FSTL4: variants seen among roughly 807,000 people sequenced by gnomAD.
FSTL4 encodes follistatin like 4, also known as follistatin-related protein 4.
Under a neutral mutation model 78.2 loss-of-function variants are expected in FSTL4, and 28 were observed. That is an observed-to-expected ratio of 0.36 (90% confidence interval 0.27 to 0.49). The LOEUF (loss-of-function observed/expected upper bound fraction) is 0.49. Ranked by LOEUF, FSTL4 falls within the 20% of genes least tolerant of loss-of-function variation. FSTL4 has a pLI of 0.98. For missense variants in FSTL4, 922 were observed against 1,084.9 expected (o/e 0.85, Z 2.11); for synonymous variants, 422 against 440.5 (o/e 0.96, Z 0.53).
chr5:133,327,070 C>T (rs535651368), intron 4 of FSTL4, among the ~76,000 whole-genome samples: 6 of 152,280 alleles, frequency 3.9e-5, no homozygotes, highest in East Asian at 1.9e-4. Flanking sequence ...GGCTGGACCA[C>T]GGGGCAGACT....
intron 3 of FSTL4, 110 bp downstream of exon 3, chr5:133,567,076 A>C (rs148196814): frequency 5.3e-5 from 44 of 829,930 alleles, no homozygotes; most frequent in Non-Finnish European, 7.6e-5. Context: ...AGGCCGCATG[A>C]AATTTCAAAG....
At chr5:133,582,363 T>C (rs960415959) in intron 2 of FSTL4, among the ~76,000 whole-genome samples, 2 of 152,096 alleles carry the variant, frequency 1.3e-5, no homozygotes, top group Non-Finnish European at 2.9e-5. Flanking sequence ...CAAAATGAGG[T>C]AGGGTAGTGT....
At chr5:133,628,676 T>C in the FSTL4 span, among the ~76,000 whole-genome samples, 2 of 151,888 alleles carry the variant, frequency 1.3e-5, no homozygotes, top group Non-Finnish European at 2.9e-5. Context: ...AGCTGTTTTT[T>C]TGAAAGGATT....
At chr5:133,840,414 A>T in the FSTL4 span, among the ~76,000 whole-genome samples, 1 of 152,238 alleles carries the variant, frequency 6.6e-6, no homozygotes, top group Non-Finnish European at 1.5e-5. Context: ...GCTGTAATTA[A>T]AGTTTTGCTG....
At chr5:133,601,960 T>C (rs762020700) in intron 2 of FSTL4, among the ~76,000 whole-genome samples, 1 of 151,906 alleles carries the variant, frequency 6.6e-6, no homozygotes, top group African/African-American at 2.4e-5. Flanking sequence ...CTTGGATTAT[T>C]AGGTGTGAGC....
rs530422781 is a variant in FSTL4 at position 133,246,770 on chromosome 5, C to T, written c.894+2640G>A. On this transcript the variant is annotated intron_variant, in intron 7 of 15. Transcript: ENST00000265342. The stretch of plus-strand genomic sequence containing the variant: ...AGCTGCTGAGAATATTATTTAGCAG[C>T]AGCAGGAATAATAATACAATAATAA... 8 of 152,246 alleles carry T rather than the reference C, an allele frequency of 5.3e-5. No homozygotes were observed. In the South Asian group the frequency reaches 1.5e-3, roughly 28 times the overall value. The allele number at this position is 152,246 out of a possible 1,614,324, so 9.4% of individuals were successfully genotyped here.
the FSTL4 span, among the ~76,000 whole-genome samples, chr5:133,696,820 A>G: frequency 6.6e-6 from 1 of 152,212 alleles, no homozygotes; most frequent in Non-Finnish European, 1.5e-5. Flanking sequence ...GGGTGTGTGC[A>G]TGCTCTTGTG....
intron 6 of FSTL4, among the ~76,000 whole-genome samples, chr5:133,263,494 A>G (rs1752577802): frequency 1.3e-5 from 2 of 152,034 alleles, no homozygotes; most frequent in Admixed American, 6.6e-5. Context: ...ACTTGTGCCC[A>G]GTGTGGCCGA....
chr5:133,496,572 A>G (rs1453750510), intron 3 of FSTL4, among the ~76,000 whole-genome samples: 2 of 152,168 alleles, frequency 1.3e-5, no homozygotes, highest in Non-Finnish European at 2.9e-5. Flanking sequence ...GGACCAGGAG[A>G]GGAGGCTCCT....
At chr5:133,202,085 G>A (rs368286984) in intron 14 of FSTL4, 43 bp from the exon 15 acceptor site, 51 of 1,364,236 alleles carry the variant, frequency 3.7e-5, no homozygotes, top group Middle Eastern at 1.8e-4. Flanking sequence ...CCATGCAGGT[G>A]GGGGCTGAAC....
the FSTL4 span, among the ~76,000 whole-genome samples, chr5:133,626,870 G>A: frequency 6.6e-6 from 1 of 152,016 alleles, no homozygotes; most frequent in South Asian, 2.1e-4. Flanking sequence ...GTTGTTGGGT[G>A]GAGTATTCTG....
At chr5:133,796,032 G>A in the FSTL4 span, among the ~76,000 whole-genome samples, 1 of 152,280 alleles carries the variant, frequency 6.6e-6, no homozygotes, top group Non-Finnish European at 1.5e-5. Context: ...TAGTCCTTCT[G>A]CTCTTCTTAC....
At chr5:133,735,679 C>T in the FSTL4 span, among the ~76,000 whole-genome samples, 2 of 152,158 alleles carry the variant, frequency 1.3e-5, no homozygotes, top group Non-Finnish European at 2.9e-5. Context: ...TACCAACCTG[C>T]TAGCGTGGGT....
At chr5:133,792,928 G>A in the FSTL4 span, among the ~76,000 whole-genome samples, 10 of 152,216 alleles carry the variant, frequency 6.6e-5, no homozygotes, top group Admixed American at 2.0e-4. Flanking sequence ...GAGGGGAAAG[G>A]TCAGAGCTCT....
the FSTL4 span, among the ~76,000 whole-genome samples, chr5:133,773,047 G>T: frequency 3.3e-5 from 5 of 151,732 alleles, no homozygotes; most frequent in Admixed American, 1.3e-4. Context: ...TTGTTAAATG[G>T]GAAAAAGTTT....
intron 3 of FSTL4, among the ~76,000 whole-genome samples, chr5:133,441,041 G>C (rs1207734432): frequency 6.6e-6 from 1 of 152,186 alleles, no homozygotes; most frequent in Non-Finnish European, 1.5e-5. Flanking sequence ...ATCAGACTCT[G>C]AGTAGGAATT....
chr5:133,382,355 G>A (rs546390216), intron 4 of FSTL4, among the ~76,000 whole-genome samples: 13 of 152,240 alleles, frequency 8.5e-5, no homozygotes, highest in African/African-American at 3.1e-4. Context: ...TTGTTACTGT[G>A]GCATAACCTA....
chr5:133,277,759 C>T (rs1027479805), intron 6 of FSTL4, among the ~76,000 whole-genome samples: 1 of 152,122 alleles, frequency 6.6e-6, no homozygotes, highest in African/African-American at 2.4e-5. Flanking sequence ...TCCTGGGGCC[C>T]TGGGCTTTCT....
the FSTL4 span, among the ~76,000 whole-genome samples, chr5:133,695,342 A>G: frequency 6.6e-6 from 1 of 152,298 alleles, no homozygotes; most frequent in Middle Eastern, 3.4e-3. Flanking sequence ...GACACCCAGC[A>G]CAACAGCAAG....
Sources: allele counts gnomAD v4.1 joint callset (sites outside exome capture counted in the v4.1 genomes callset), GRCh38; gene constraint gnomAD v4.1.1; transcripts MANE v1.5; gene names NCBI Gene and HGNC (gene_info 2026-07-23, HGNC 2026-07-21).